YIPF7: variants seen among roughly 807,000 people sequenced by gnomAD.
YIPF7 encodes Yip1 domain family member 7, also known as protein YIPF7.
A neutral mutation model predicts 27.2 loss-of-function variants in YIPF7; 35 were observed. That is an observed-to-expected ratio of 1.29 (90% CI 0.98 to 1.70). The LOEUF (loss-of-function observed/expected upper bound fraction) is 1.70, where lower values mean the gene tolerates loss of function less well. Ranked by LOEUF, YIPF7 falls within the 40% of genes most tolerant of loss-of-function variation. YIPF7 has a pLI of 0.00. For synonymous variants in YIPF7, 137 were observed against 110.4 expected (o/e 1.24, Z -1.51); for missense variants, 358 against 303.7 (o/e 1.18, Z -1.33).
Position 44,629,522 on chromosome 4 carries a change from A to G in YIPF7, c.307T>C (p.Trp103Arg), listed in dbSNP as rs1712805212. The G allele has an allele frequency of 4.5e-6, 7 of 1,556,700 alleles. No individual in the cohort carries two copies. Among genetic ancestry groups the G allele is most frequent in the Non-Finnish European group, 6.1e-6 (7 of 1,151,034 alleles). Residue 103 changes from tryptophan (W) to arginine (R), a missense_variant, in exon 4 of 6, where the codon TGG becomes CGG. Physicochemically the swap from Trp to Arg is moderately radical, Grantham distance 101 (BLOSUM62 -3). Transcript: ENST00000415895. ...EELGIHFDHI[W>R]QKTLTVLNPM... ...TTTAACACTGTCAAAGTTTTTTGCC[A>G]TATGTGATCAAAATGGATTCCAAGT...
At chr4:44,625,223 A>C (rs1299316188) in intron 4 of YIPF7, among the ~76,000 whole-genome samples, 1 of 152,210 alleles carries the variant, frequency 6.6e-6, no homozygotes, top group Non-Finnish European at 1.5e-5. Context: ...GTCAGATCCC[A>C]TTCTAAGTGT....
chr4:44,654,220 T>G (rs1713823342), upstream of YIPF7, among the ~76,000 whole-genome samples: 1 of 152,084 alleles, frequency 6.6e-6, no homozygotes, highest in Non-Finnish European at 1.5e-5. Flanking sequence ...CATTAATGAA[T>G]TATCTGATTT....
chr4:44,656,622 G>C (rs1713908086), upstream of YIPF7, among the ~76,000 whole-genome samples: 1 of 152,036 alleles, frequency 6.6e-6, no homozygotes, highest in Non-Finnish European at 1.5e-5. Context: ...AGGTGATGAT[G>C]AAACTGGATC....
intron 3 of YIPF7, among the ~76,000 whole-genome samples, chr4:44,631,994 C>T (rs767166321): frequency 6.6e-6 from 1 of 152,066 alleles, no homozygotes; most frequent in African/African-American, 2.4e-5. Flanking sequence ...ATGCTTCACA[C>T]GACATCACAC....
Position 44,624,824 on chromosome 4 carries a change from A to G in YIPF7, c.427-42T>C, listed in dbSNP as rs756724997. ...AAAAAACAGTTTGAACACACAATGG[A>G]CACCGAGAGGAAATCTGAATATCAT... On this transcript the variant is annotated intron_variant, in intron 4 of 5. Transcript: ENST00000415895. 1.9e-6 allele frequency: 3 copies of G among 1,544,284 alleles called. No individual in the cohort carries two copies. In the Admixed American group the frequency reaches 5.7e-5, roughly 29 times the overall value.
At position 44,637,535 on chromosome 4, in the gene YIPF7, G is replaced by A. The variant is rs555153728; in HGVS notation, c.117-1450C>T. On this transcript the variant is annotated intron_variant, in intron 2 of 5. Coordinates refer to ENST00000415895, the MANE Select transcript of YIPF7 (RefSeq NM_182592.3). ...TGTTTCATATACTTGTTGGCCATTC[G>A]TATGTCTTCTTTTGAAAAATGTCTA... 4.0e-3 allele frequency among the ~76,000 whole-genome samples: 608 copies of A among 152,170 alleles called. 3 individuals carry two copies. Among genetic ancestry groups the A allele is most frequent in the African/African-American group, 0.014 (586 of 41,514 alleles).
At chr4:44,622,744 T>G (rs566948480) in intron 5 of YIPF7, among the ~76,000 whole-genome samples, 168 bp from the exon 6 acceptor site, 1 of 152,348 alleles carries the variant, frequency 6.6e-6, no homozygotes, top group South Asian at 2.1e-4. Context: ...TAGGCATTTT[T>G]TAGTCAAATT....
intron 5 of YIPF7, among the ~76,000 whole-genome samples, chr4:44,623,163 T>C (rs1441230511): frequency 1.3e-5 from 2 of 152,182 alleles, no homozygotes; most frequent in African/African-American, 4.8e-5. Flanking sequence ...AATGCTGAAA[T>C]AGATTTGTTC....
At chr4:44,629,621 A>T in intron 3 of YIPF7, 73 bp from the exon 4 acceptor site, 1 of 1,136,230 alleles carries the variant, frequency 8.8e-7, no homozygotes, top group Non-Finnish European at 1.2e-6. Flanking sequence ...ACACTCTTTA[A>T]AGGTTAACAT....
chr4:44,658,570 T>C (rs2109607016), intron 2 of YIPF7, among the ~76,000 whole-genome samples: 1 of 152,306 alleles, frequency 6.6e-6, no homozygotes, highest in Non-Finnish European at 1.5e-5. Flanking sequence ...ATGAAGCTTT[T>C]CATGTATCAC....
chr4:44,661,161 A>G (rs6826194), intron 1 of YIPF7, among the ~76,000 whole-genome samples: 45,190 of 152,098 alleles, frequency 0.3, 8,311 homozygotes, highest in Non-Finnish European at 0.4. Context: ...AAAGTAGAAA[A>G]TGGCTTCAGC....
intron 4 of YIPF7, among the ~76,000 whole-genome samples, chr4:44,626,137 C>A (rs1019372881): frequency 6.6e-6 from 1 of 152,170 alleles, no homozygotes; most frequent in Non-Finnish European, 1.5e-5. Context: ...TTGATCACTA[C>A]GAAGTCCTTT....
At chr4:44,657,033 G>A (rs1713920204) in intron 2 of YIPF7, among the ~76,000 whole-genome samples, 1 of 151,992 alleles carries the variant, frequency 6.6e-6, no homozygotes, top group African/African-American at 2.4e-5. Flanking sequence ...TGACAACATT[G>A]CTATTTCATG....
chr4:44,653,291 A>G (rs994459372), upstream of YIPF7, among the ~76,000 whole-genome samples: 3 of 152,110 alleles, frequency 2.0e-5, no homozygotes, highest in Admixed American at 2.0e-4. Flanking sequence ...AGGTTACATA[A>G]TTGAAATGAA....
chr4:44,623,868 G>A (rs370853165), intron 5 of YIPF7, among the ~76,000 whole-genome samples: 16 of 152,274 alleles, frequency 1.1e-4, no homozygotes, highest in African/African-American at 3.9e-4. Context: ...GAGCCCAGCT[G>A]AGAAAGAATA....
chr4:44,631,314 T>G (rs956576462), intron 3 of YIPF7, among the ~76,000 whole-genome samples: 1 of 152,220 alleles, frequency 6.6e-6, no homozygotes, highest in African/African-American at 2.4e-5. Context: ...TGTATTTATA[T>G]GTGGCACTCA....
At chr4:44,644,838 G>A (rs1020673791) in intron 2 of YIPF7, among the ~76,000 whole-genome samples, 5 of 152,156 alleles carry the variant, frequency 3.3e-5, no homozygotes, top group Admixed American at 3.3e-4. Flanking sequence ...CTAGAGGGAG[G>A]TGATTGGATC....
At chr4:44,657,517 T>G (rs1263478634) in intron 2 of YIPF7, among the ~76,000 whole-genome samples, 1 of 152,214 alleles carries the variant, frequency 6.6e-6, no homozygotes, top group East Asian at 1.9e-4. Flanking sequence ...TATGAAGGTT[T>G]ATAAAAGGAT....
At chr4:44,638,425 A>G (rs190011980) in intron 2 of YIPF7, among the ~76,000 whole-genome samples, 38 of 151,530 alleles carry the variant, frequency 2.5e-4, no homozygotes, top group African/African-American at 6.5e-4. Flanking sequence ...TCTCAAAAGA[A>G]GATATACAAA....
Sources: gnomAD v4.1 joint callset for allele counts (sites outside exome capture counted in the v4.1 genomes callset) on GRCh38, gnomAD v4.1.1 for gene constraint, MANE v1.5 for transcripts, NCBI Gene and HGNC (gene_info 2026-07-23, HGNC 2026-07-21) for gene names.